The following CREB5 variants were observed in gnomAD, a reference collection of about 807,000 sequenced individuals.
The protein encoded by CREB5 is cAMP responsive element binding protein 5.
In CREB5, 19 loss-of-function variants were observed where a neutral mutation model predicts 57.1. The observed-to-expected ratio is 0.33, with a 90% CI of 0.23 to 0.49. The LOEUF (loss-of-function observed/expected upper bound fraction) is 0.49, where lower values mean the gene tolerates loss of function less well. CREB5 is among the 20% of genes least tolerant of loss of function. CREB5 has a pLI of 0.99. For synonymous variants in CREB5, 238 were observed against 238.3 expected (o/e 1.00, Z 0.01); for missense variants, 579 against 671.6 (o/e 0.86, Z 1.52).
chr7:28,527,583 C>T (rs1793500955), intron 4 of CREB5, among the ~76,000 whole-genome samples: 1 of 152,142 alleles, frequency 6.6e-6, no homozygotes, highest in Non-Finnish European at 1.5e-5. Context: ...GTGAGAGGCT[C>T]ATGTAGGAGG....
chr7:28,470,866 T>C (rs1443979132), intron 1 of CREB5, among the ~76,000 whole-genome samples: 1 of 152,234 alleles, frequency 6.6e-6, no homozygotes, highest in African/African-American at 2.4e-5. Flanking sequence ...GTTTGCTATT[T>C]GTATGTCTTC....
chr7:28,337,845 C>A (rs1400665469), intron 1 of CREB5, among the ~76,000 whole-genome samples: 1 of 151,876 alleles, frequency 6.6e-6, no homozygotes, highest in Non-Finnish European at 1.5e-5. Flanking sequence ...CCATTTCTTG[C>A]TTTTTATGTT....
Position 28,515,423 on chromosome 7 carries a change from T to C in CREB5, c.291+7686T>C, listed in dbSNP as rs79959297. Among the ~76,000 whole-genome samples, 242 of 152,270 alleles carry C rather than the reference T, an allele frequency of 1.6e-3. 1 individual carries two copies. The highest frequency in any genetic ancestry group is 5.4e-3 in the African/African-American group (224 of 41,538). Reference sequence around the variant, plus strand: ...TAAGAGTCAAGTCCACCCAGACAATTCCTTTATCGTACATCTAGCCCTTGC... The same window carrying C: ...TAAGAGTCAAGTCCACCCAGACAATCCCTTTATCGTACATCTAGCCCTTGC... On this transcript the variant is annotated intron_variant, in intron 4 of 10. Coordinates refer to ENST00000357727, the MANE Select transcript of CREB5 (RefSeq NM_182898.4).
intron 7 of CREB5, among the ~76,000 whole-genome samples, chr7:28,752,136 C>T (rs1805013826): frequency 6.6e-6 from 1 of 152,106 alleles, no homozygotes; most frequent in Admixed American, 6.6e-5. Context: ...TTCCAGTGTT[C>T]TCCCCTCTCA....
intron 7 of CREB5, among the ~76,000 whole-genome samples, chr7:28,754,346 T>G (rs1805164855): frequency 6.6e-6 from 1 of 152,186 alleles, no homozygotes; most frequent in Non-Finnish European, 1.5e-5. Context: ...ATAATTCAAG[T>G]GTTCCAAAGG....
intron 5 of CREB5, among the ~76,000 whole-genome samples, chr7:28,605,901 A>G (rs759413186): frequency 1.3e-5 from 2 of 152,178 alleles, no homozygotes; most frequent in Admixed American, 1.3e-4. Flanking sequence ...GGCAGGAGAG[A>G]ATTTTTTGAG....
At chr7:28,709,783 G>A (rs1362064681) in intron 5 of CREB5, among the ~76,000 whole-genome samples, 1 of 152,032 alleles carries the variant, frequency 6.6e-6, no homozygotes, top group African/African-American at 2.4e-5. Flanking sequence ...ATAAAAAGGA[G>A]GCCCAAATTT....
intron 7 of CREB5, among the ~76,000 whole-genome samples, chr7:28,737,600 G>T (rs1443672414): frequency 5.5e-5 from 7 of 127,196 alleles, no homozygotes; most frequent in South Asian, 2.6e-4. Context: ...TTTAACTCCT[G>T]TTTCAAAGGA....
At chr7:28,380,882 T>C (rs1272717204) in intron 1 of CREB5, among the ~76,000 whole-genome samples, 2 of 152,180 alleles carry the variant, frequency 1.3e-5, no homozygotes, top group Non-Finnish European at 2.9e-5. Context: ...TGAGATCCTA[T>C]ATGTGAAAAT....
At chr7:28,738,126 C>T (rs921320250) in intron 7 of CREB5, among the ~76,000 whole-genome samples, 1 of 152,148 alleles carries the variant, frequency 6.6e-6, no homozygotes, top group Non-Finnish European at 1.5e-5. Flanking sequence ...TTAAATTCCA[C>T]CACCTAAAAT....
At chr7:28,399,592 G>T (rs1787409654) in intron 1 of CREB5, among the ~76,000 whole-genome samples, 2 of 152,116 alleles carry the variant, frequency 1.3e-5, no homozygotes, top group Admixed American at 1.3e-4. Context: ...ATATGCAGAA[G>T]AATGAAACTG....
In CREB5 at chr7:28,819,150, A is replaced by T. The variant is rs1809616343; in HGVS notation, c.1398A>T (p.Pro466=). 2 of 1,613,468 alleles carry T rather than the reference A, an allele frequency of 1.2e-6. No homozygotes were observed. The highest frequency in any genetic ancestry group is 1.7e-6 in the Non-Finnish European group (2 of 1,179,806). The change falls in exon 11 of 11, where the codon CCA becomes CCT. Residue 466 remains proline (P), a synonymous_variant. Coordinates refer to ENST00000357727, the MANE Select transcript of CREB5 (RefSeq NM_182898.4). ...PESSPPASPV[P]ACSQQQVIQH... is the part of the protein sequence containing the mutation. ...GTAGCCCTCCTGCTAGTCCTGTCCC[A>T]GCTTGCTCCCAGCAACAAGTCATCC...
At chr7:28,409,726 C>A, upstream of CREB5, 1 of 342,954 alleles carries the variant, frequency 2.9e-6, no homozygotes, top group Non-Finnish European at 5.6e-6. This position sits in a 1 kb window ranked among gnomAD's most constrained non-coding sequence, Gnocchi z 4.4. Flanking sequence ...CCCTAGAGAC[C>A]CCGCGCCGCG....
chr7:28,565,496 G>T (rs1438732785), intron 4 of CREB5, among the ~76,000 whole-genome samples: 1 of 152,170 alleles, frequency 6.6e-6, no homozygotes, highest in Admixed American at 6.5e-5. Flanking sequence ...TTAAAATAAG[G>T]ATAGTAATGC....
intron 2 of CREB5, chr7:28,491,332 G>C (rs1156831105): frequency 1.2e-6 from 1 of 824,166 alleles, no homozygotes; most frequent in Non-Finnish European, 1.5e-6. Flanking sequence ...GGGAGGAGTG[G>C]GGGTGCCAAT....
At chr7:28,428,670 T>C (rs950942910) in intron 1 of CREB5, among the ~76,000 whole-genome samples, 34 of 152,152 alleles carry the variant, frequency 2.2e-4, no homozygotes, top group African/African-American at 8.2e-4. Context: ...GAGTTCAGTT[T>C]TGGGCATGTT....
intron 7 of CREB5, among the ~76,000 whole-genome samples, chr7:28,758,660 A>G (rs1805475668): frequency 6.6e-6 from 1 of 152,218 alleles, no homozygotes; most frequent in Non-Finnish European, 1.5e-5. Context: ...GTTTATATGC[A>G]ATTTGAAAAT....
At chr7:28,773,886 G>A (rs941435969) in intron 7 of CREB5, among the ~76,000 whole-genome samples, 3 of 152,162 alleles carry the variant, frequency 2.0e-5, no homozygotes, top group Non-Finnish European at 2.9e-5. Context: ...TTTTCCTAGC[G>A]TCCTTCATTT....
At chr7:28,679,052 C>CTTTTTTTTTTTTTTTTTTTTTTT (rs56266854) in intron 5 of CREB5, among the ~76,000 whole-genome samples, 1 of 123,866 alleles carries the variant, frequency 8.1e-6, no homozygotes, top group Non-Finnish European at 1.6e-5. Flanking sequence ...TTTTGTAGTT[C>CTTTTTTTTTTTTTTTTTTTTTTT]TTTTTTTTTT....
Sources: gnomAD v4.1 joint callset for allele counts (sites outside exome capture counted in the v4.1 genomes callset) on GRCh38, gnomAD v4.1.1 for gene constraint, Gnocchi (gnomAD v3.1) non-coding constraint, MANE v1.5 for transcripts, NCBI Gene and HGNC (gene_info 2026-07-23, HGNC 2026-07-21) for gene names.